ABCC11: variants seen among roughly 807,000 people sequenced by gnomAD.
ABCC11 encodes ATP-binding cassette sub-family C member 11.
Under a neutral mutation model 149.3 loss-of-function variants are expected in ABCC11, and 135 were observed. The observed-to-expected ratio is 0.90, with a 90% CI of 0.79 to 1.04. ABCC11 has a LOEUF of 1.04. Ranked by LOEUF, ABCC11 falls within the 50% of genes least tolerant of loss-of-function variation. The pLI, the probability that ABCC11 is intolerant of heterozygous loss-of-function variation, is 0.00. For synonymous variants in ABCC11, 665 were observed against 671.4 expected (o/e 0.99, Z 0.15); for missense variants, 1,680 against 1,722.1 (o/e 0.98, Z 0.43).
chr16:48,201,487 T>G (rs1025832014), intron 14 of ABCC11, among the ~76,000 whole-genome samples: 3 of 148,198 alleles, frequency 2.0e-5, no homozygotes, highest in African/African-American at 7.5e-5. Context: ...TTTTTTTTTT[T>G]TTTTTGTAGA....
chr16:48,190,212 A>G (rs1966862023), intron 20 of ABCC11, among the ~76,000 whole-genome samples: 1 of 152,162 alleles, frequency 6.6e-6, no homozygotes, highest in Non-Finnish European at 1.5e-5. Flanking sequence ...CCATTAGACT[A>G]TACATCCATG....
chr16:48,223,969 C>T (rs1969911760), intron 5 of ABCC11, among the ~76,000 whole-genome samples: 1 of 152,184 alleles, frequency 6.6e-6, no homozygotes, highest in Non-Finnish European at 1.5e-5. Context: ...ATAAGGTCTA[C>T]ACCTGAGGGT....
downstream of ABCC11, among the ~76,000 whole-genome samples, chr16:48,165,442 C>G (rs955741530): frequency 6.6e-6 from 1 of 152,220 alleles, no homozygotes; most frequent in African/African-American, 2.4e-5. Context: ...TGCATCAGCC[C>G]CTGTAGTAGC....
At chr16:48,211,456 C>G (rs1198382152) in intron 10 of ABCC11, among the ~76,000 whole-genome samples, 1 of 152,186 alleles carries the variant, frequency 6.6e-6, no homozygotes, top group Non-Finnish European at 1.5e-5. Context: ...TGCAACTCTG[C>G]GCTCAGGAGG....
chr16:48,177,685 AG>A (rs751047898), intron 24 of ABCC11, among the ~76,000 whole-genome samples: 6 of 152,216 alleles, frequency 3.9e-5, no homozygotes, highest in Non-Finnish European at 7.3e-5. Flanking sequence ...GTGTGTTGAG[AG>A]GAAAGAACGC....
At chr16:48,189,535 T>G (rs1007182924) in intron 20 of ABCC11, among the ~76,000 whole-genome samples, 1 of 152,202 alleles carries the variant, frequency 6.6e-6, no homozygotes, top group African/African-American at 2.4e-5. Flanking sequence ...TAAAAAGCCA[T>G]GAAAGGACTG....
intron 16 of ABCC11, 32 bp from the exon 17 acceptor site, chr16:48,198,099 T>G (rs1230305907): frequency 6.2e-7 from 1 of 1,614,022 alleles, no homozygotes; most frequent in Admixed American, 1.7e-5. Flanking sequence ...TGAGTACACG[T>G]GCGTCCACCG....
At chr16:48,193,024 G>A (rs1457643420) in intron 19 of ABCC11, among the ~76,000 whole-genome samples, 1 of 152,194 alleles carries the variant, frequency 6.6e-6, no homozygotes, top group African/African-American at 2.4e-5. Flanking sequence ...ATGGTTTCAG[G>A]TCAGATTCTG....
chr16:48,229,453 CTTT>C (rs940739382), intron 3 of ABCC11, among the ~76,000 whole-genome samples: 1 of 119,064 alleles, frequency 8.4e-6, no homozygotes. Flanking sequence ...AGGCTGGTAA[CTTT>C]TTTTTTTTTT....
intron 10 of ABCC11, among the ~76,000 whole-genome samples, chr16:48,212,968 C>G (rs997233802): frequency 7.2e-5 from 11 of 152,188 alleles, no homozygotes; most frequent in African/African-American, 2.4e-4. Context: ...CAAACTGCAG[C>G]TAAATGCCTC....
chr16:48,213,681 A>G (rs1183808870), intron 9 of ABCC11, 131 bp from the exon 10 acceptor site: 1 of 648,656 alleles, frequency 1.5e-6, no homozygotes, highest in Non-Finnish European at 2.5e-6. Flanking sequence ...AGGCTAAGCT[A>G]GTGTTTGGAG....
At chr16:48,181,707 T>C (rs1016714358) in intron 23 of ABCC11, among the ~76,000 whole-genome samples, 3 of 152,100 alleles carry the variant, frequency 2.0e-5, no homozygotes, top group African/African-American at 7.2e-5. Context: ...GCCTCCCAAG[T>C]TCACGCCATT....
intron 13 of ABCC11, among the ~76,000 whole-genome samples, 157 bp downstream of exon 13, chr16:48,205,256 T>C (rs953416645): frequency 1.3e-5 from 2 of 152,190 alleles, no homozygotes; most frequent in African/African-American, 4.8e-5. Context: ...GGAAAATTGA[T>C]ATGATGGTAT....
At chr16:48,230,598 A>G (rs771761761) in intron 2 of ABCC11, 25 bp from the exon 3 acceptor site, 49 of 1,536,348 alleles carry the variant, frequency 3.2e-5, no homozygotes, top group Non-Finnish European at 3.9e-5. Context: ...ACAAAAGAGC[A>G]TCAGTTTCAA....
intron 26 of ABCC11, among the ~76,000 whole-genome samples, chr16:48,172,370 T>C (rs1965776376): frequency 1.3e-5 from 2 of 152,218 alleles, no homozygotes; most frequent in South Asian, 2.1e-4. Context: ...CTTTCAACAC[T>C]TTGGGATATA....
intron 20 of ABCC11, among the ~76,000 whole-genome samples, chr16:48,190,749 T>C (rs572756483): frequency 6.6e-6 from 1 of 152,220 alleles, no homozygotes; most frequent in Admixed American, 6.5e-5. Context: ...ATGAGGATAA[T>C]ATCCACTTCA....
At position 48,175,410 on chromosome 16, in the gene ABCC11, G is replaced by T. The variant is rs1399518321; in HGVS notation, c.3546C>A (p.Ser1182=). Residue 1182 remains serine (S), a synonymous_variant, in exon 26 of 30, where the codon TCC becomes TCA. Coordinates refer to ENST00000356608, the MANE Select transcript of ABCC11 (RefSeq NM_001370497.1). ...GGCGGAAGAGAGCCATGCCCAAGGA[G>T]GACTTCCCTGTGGGGCAAGAAACAA... The part of the protein sequence containing the change: ...GIVGRTGSGK[S]SLGMALFRLV... 3 of 1,607,556 alleles carry T rather than the reference G, an allele frequency of 1.9e-6. No homozygotes were observed. Among genetic ancestry groups the T allele is most frequent in the Admixed American group, 3.3e-5 (2 of 59,836 alleles).
intron 1 of ABCC11, among the ~76,000 whole-genome samples, chr16:48,236,465 C>T (rs1478441606): frequency 6.6e-6 from 1 of 152,144 alleles, no homozygotes; most frequent in Admixed American, 6.6e-5. Context: ...TCCTTGTTGG[C>T]TTATTTGTTT....
At chr16:48,232,142 A>C in intron 1 of ABCC11, 1 of 1,267,668 alleles carries the variant, frequency 7.9e-7, no homozygotes. Flanking sequence ...TCAGGCCCAA[A>C]TCACTTAGTG....
Sources: allele counts gnomAD v4.1 joint callset (sites outside exome capture counted in the v4.1 genomes callset), GRCh38; gene constraint gnomAD v4.1.1; transcripts MANE v1.5; gene names NCBI Gene and HGNC (gene_info 2026-07-23, HGNC 2026-07-21).